Variants in SORBS2 observed in about 807,000 individuals in gnomAD.
SORBS2 encodes sorbin and SH3 domain containing 2.
Under a neutral mutation model 97.7 loss-of-function variants are expected in SORBS2, and 46 were observed. The observed-to-expected ratio is 0.47, with a 90% CI of 0.37 to 0.60. The LOEUF (loss-of-function observed/expected upper bound fraction) is 0.60, where lower values mean the gene tolerates loss of function less well. SORBS2 is among the 20% of genes least tolerant of loss of function. The pLI, the probability that SORBS2 is intolerant of heterozygous loss-of-function variation, is 0.00. For missense variants in SORBS2, 1,316 were observed against 1,282.3 expected (o/e 1.03, Z -0.40); for synonymous variants, 476 against 473.4 (o/e 1.01, Z -0.07).
intron 11 of SORBS2, among the ~76,000 whole-genome samples, chr4:185,613,102 G>A (rs1406427311): frequency 6.6e-6 from 1 of 152,224 alleles, no homozygotes; most frequent in Non-Finnish European, 1.5e-5. Context: ...CCTAGAAGTA[G>A]GCAGGCAAGT....
At position 185,775,130 on chromosome 4, in the gene SORBS2, T is replaced by G. The variant is rs753462963; in HGVS notation, c.-198+97A>C. On this transcript the variant is annotated intron_variant, in intron 2 of 20. Transcript: ENST00000284776. ...TGTTTACCTGAAAATTGTTCACAAC[T>G]CCCCTTATTATTTTCACTATAAGTA... 4.6e-5 allele frequency: 7 copies of G among 152,546 alleles called. 1 individual carries two copies. Among genetic ancestry groups the G allele is most frequent in the Non-Finnish European group, 8.8e-5 (6 of 68,038 alleles). The allele number at this position is 152,546 out of a possible 1,614,324, so 9.4% of individuals were successfully genotyped here.
intron 2 of SORBS2, among the ~76,000 whole-genome samples, chr4:185,765,498 T>G (rs1584417032): frequency 6.6e-6 from 1 of 152,162 alleles, no homozygotes; most frequent in Non-Finnish European, 1.5e-5. Context: ...CCAAAATACA[T>G]AAAAAATTGT....
At chr4:185,908,599 T>G (rs1196396187) in intron 1 of SORBS2, among the ~76,000 whole-genome samples, 1 of 151,802 alleles carries the variant, frequency 6.6e-6, no homozygotes, top group Non-Finnish European at 1.5e-5. Flanking sequence ...GATCGCCGAG[T>G]AATGATTCTG....
At chr4:185,809,856 C>T (rs1216456609) in intron 1 of SORBS2, among the ~76,000 whole-genome samples, 1 of 152,164 alleles carries the variant, frequency 6.6e-6, no homozygotes, top group African/African-American at 2.4e-5. Flanking sequence ...ATTTCTACAC[C>T]TCATTCTTCT....
At chr4:185,901,165 T>G (rs1445131270) in intron 1 of SORBS2, among the ~76,000 whole-genome samples, 2 of 152,226 alleles carry the variant, frequency 1.3e-5, no homozygotes, top group African/African-American at 4.8e-5. Flanking sequence ...TTTCCAAATT[T>G]GATTTTTCTC....
At chr4:185,667,632 C>T (rs928986160) in intron 4 of SORBS2, among the ~76,000 whole-genome samples, 2 of 149,942 alleles carry the variant, frequency 1.3e-5, no homozygotes, top group Non-Finnish European at 3.0e-5. Context: ...TTTTCTTGTC[C>T]TAATCTTACT....
At chr4:185,859,330 C>T (rs2099222358) in intron 1 of SORBS2, among the ~76,000 whole-genome samples, 1 of 152,134 alleles carries the variant, frequency 6.6e-6, no homozygotes, top group Non-Finnish European at 1.5e-5. Flanking sequence ...AATATTTCAG[C>T]AGAGCATACC....
At chr4:185,834,403 C>T (rs903552992) in intron 1 of SORBS2, among the ~76,000 whole-genome samples, 1 of 152,086 alleles carries the variant, frequency 6.6e-6, no homozygotes, top group Non-Finnish European at 1.5e-5. Context: ...AAGACACATA[C>T]TTTATGGTGT....
At chr4:185,593,150 C>A (rs1226301862) in intron 13 of SORBS2, 3 of 152,424 alleles carry the variant, frequency 2.0e-5, no homozygotes, top group Non-Finnish European at 4.4e-5. Flanking sequence ...GGGGTTAGGT[C>A]CATGAATAAG....
At chr4:185,945,580 A>G (rs1210042094) in intron 1 of SORBS2, among the ~76,000 whole-genome samples, 1 of 152,240 alleles carries the variant, frequency 6.6e-6, no homozygotes, top group African/African-American at 2.4e-5. Flanking sequence ...TCCACTGATT[A>G]TATTACTATA....
intron 4 of SORBS2, 124 bp from the exon 15 acceptor site, chr4:185,638,286 G>A (rs2097058715): frequency 2.9e-6 from 2 of 701,688 alleles, no homozygotes; most frequent in African/African-American, 1.8e-5. Flanking sequence ...CTCACCCCAC[G>A]AACCTCAGCA....
chr4:185,946,495 T>A (rs1008588725), intron 1 of SORBS2, among the ~76,000 whole-genome samples: 1 of 152,198 alleles, frequency 6.6e-6, no homozygotes, highest in Non-Finnish European at 1.5e-5. Flanking sequence ...GAGTTAGACA[T>A]AGATATGAAT....
At chr4:185,631,402 T>G (rs1470090865) in intron 4 of SORBS2, among the ~76,000 whole-genome samples, 4 of 152,206 alleles carry the variant, frequency 2.6e-5, no homozygotes, top group Non-Finnish European at 5.9e-5. Flanking sequence ...CTAAAATATC[T>G]AAAAGGCAAG....
intron 4 of SORBS2, chr4:185,665,914 G>C (rs1050574879): frequency 8.3e-7 from 1 of 1,206,086 alleles, no homozygotes; most frequent in Non-Finnish European, 1.1e-6. Flanking sequence ...GGAGGAGTCT[G>C]TTGTCAGAGA....
At chr4:185,812,824 T>G (rs113399980) in intron 1 of SORBS2, 1 of 152,218 alleles carries the variant, frequency 6.6e-6, no homozygotes, top group Non-Finnish European at 1.5e-5. Flanking sequence ...TAAAATAGAA[T>G]TTTTAAAAAA....
chr4:185,647,910 G>A lies in SORBS2; in HGVS notation c.282-1128C>T, dbSNP rs1184516412. ...TAATTTTAACAAAACATATCAGATG[G>A]GTAATACCTTTAAATCAAAACGTTA... On this transcript the variant is annotated intron_variant, in intron 3 of 14. Coordinates refer to ENST00000418609, the Ensembl canonical transcript of SORBS2. Among the ~76,000 whole-genome samples the A allele has an allele frequency of 2.0e-5, 3 of 152,060 alleles. No individual in the cohort carries two copies. In the East Asian group the frequency reaches 5.8e-4, roughly 29 times the overall value.
At chr4:185,668,568 A>T (rs1040384636) in intron 4 of SORBS2, among the ~76,000 whole-genome samples, 1 of 152,246 alleles carries the variant, frequency 6.6e-6, no homozygotes, top group African/African-American at 2.4e-5. Context: ...CATGAATGGA[A>T]TATACCCTGT....
intron 1 of SORBS2, among the ~76,000 whole-genome samples, chr4:185,906,280 G>A (rs1467461214): frequency 6.6e-6 from 1 of 152,122 alleles, no homozygotes; most frequent in East Asian, 1.9e-4. Context: ...TGATCTGCCT[G>A]CCTCATCCTC....
chr4:185,798,515 C>A (rs571500452), intron 1 of SORBS2, among the ~76,000 whole-genome samples: 1 of 152,092 alleles, frequency 6.6e-6, no homozygotes, highest in African/African-American at 2.4e-5. Flanking sequence ...GCAGTTTCAA[C>A]ATTTAACCTA....
Sources: gnomAD v4.1 joint callset for allele counts (sites outside exome capture counted in the v4.1 genomes callset) on GRCh38, gnomAD v4.1.1 for gene constraint, MANE v1.5 for transcripts, NCBI Gene and HGNC (gene_info 2026-07-23, HGNC 2026-07-21) for gene names.